Variants in KAT14 observed in about 807,000 individuals in gnomAD.
KAT14 encodes lysine acetyltransferase 14.
A neutral mutation model predicts 78.4 loss-of-function variants in KAT14; 66 were observed. That is an observed-to-expected ratio of 0.84 (90% CI 0.69 to 1.03). The LOEUF (loss-of-function observed/expected upper bound fraction) is 1.03. KAT14 is among the 50% of genes least tolerant of loss of function. KAT14 has a pLI of 0.00. For synonymous variants in KAT14, 344 were observed against 359.4 expected, an observed-to-expected ratio of 0.96 and a Z score of 0.48; for missense variants, 870 against 972.5, an observed-to-expected ratio of 0.89 and a Z score of 1.40.
rs146086556 is a variant in KAT14, at chr20:18,148,106, A to G, written c.379-2715A>G. Among the ~76,000 whole-genome samples the G allele has an allele frequency of 8.9e-4, 135 of 152,330 alleles. 1 individual carries two copies. Among genetic ancestry groups the G allele is most frequent in the Admixed American group, 2.9e-3 (44 of 15,304 alleles). On this transcript the variant is annotated intron_variant, in intron 3 of 10. Coordinates refer to ENST00000688188, the MANE Select transcript of KAT14 (RefSeq NM_001392073.1). ...AATCAGTTGGTCTTGAATGGACTCC[A>G]TTGATGTAGCCACATTCTTAGTATA...
intron 7 of KAT14, among the ~76,000 whole-genome samples, chr20:18,174,566 C>A (rs2038965487): frequency 6.6e-6 from 1 of 151,784 alleles, no homozygotes; most frequent in Admixed American, 6.6e-5. Context: ...TCTTTGATGA[C>A]TATTATACTT....
chr20:18,181,235 T>G (rs568183571), intron 7 of KAT14, among the ~76,000 whole-genome samples: 2 of 152,264 alleles, frequency 1.3e-5, no homozygotes, highest in South Asian at 4.1e-4. Context: ...TATGCAAAGG[T>G]GTCTATAAAC....
Position 18,142,582 on chromosome 20 carries a change from G to A in KAT14, c.-79G>A. 1 of 1,576,958 alleles carries A rather than the reference G, an allele frequency of 6.3e-7. No individual in the cohort carries two copies. Among genetic ancestry groups the A allele is most frequent in the Non-Finnish European group, 8.6e-7 (1 of 1,159,564 alleles). On this transcript the variant is annotated 5_prime_UTR_variant, in exon 2 of 11. Coordinates refer to ENST00000688188, the MANE Select transcript of KAT14 (RefSeq NM_001392073.1). ...GGAAGAGTCTGTCTGGGTGATCCTG[G>A]TAGAAGCCCCATTAGGGTCACTGTC... is the stretch of plus-strand genomic sequence containing the variant.
intron 1 of KAT14, 176 bp downstream of exon 1, chr20:18,138,227 G>T: frequency 2.4e-6 from 3 of 1,256,070 alleles, no homozygotes; most frequent in Non-Finnish European, 3.0e-6. Context: ...GCTGGGCTCC[G>T]GGCGCTGCAG....
chr20:18,149,871 A>G (rs1024632284), intron 3 of KAT14, among the ~76,000 whole-genome samples: 1 of 152,024 alleles, frequency 6.6e-6, no homozygotes, highest in Non-Finnish European at 1.5e-5. Flanking sequence ...AATTGCTTGA[A>G]CCCAGGAATC....
chr20:18,142,591 C>T lies in KAT14; in HGVS notation c.-70C>T. 2 of 1,591,146 alleles carry T rather than the reference C, an allele frequency of 1.3e-6. No individual in the cohort carries two copies. The highest frequency in any genetic ancestry group is 1.7e-6 in the Non-Finnish European group (2 of 1,167,038). The stretch of plus-strand genomic sequence containing the variant: ...TGTCTGGGTGATCCTGGTAGAAGCC[C>T]CATTAGGGTCACTGTCCAGTGCTTA... On this transcript the variant is annotated 5_prime_UTR_variant, in exon 2 of 11. Coordinates refer to ENST00000688188, the MANE Select transcript of KAT14 (RefSeq NM_001392073.1).
chr20:18,170,369 G>A (rs1430840660), intron 7 of KAT14, among the ~76,000 whole-genome samples: 4 of 152,130 alleles, frequency 2.6e-5, no homozygotes, highest in Non-Finnish European at 5.9e-5. Flanking sequence ...TGGAGCCAGT[G>A]ATCATTTACT....
rs201858697 is a variant in KAT14 at position 18,143,615 on chromosome 20, A to ATTTTTTTTTT, written c.259+698_259+707dup. Among the ~76,000 whole-genome samples the ATTTTTTTTTT allele has an allele frequency of 7.7e-5, 8 of 104,088 alleles. 1 individual carries two copies. Among genetic ancestry groups the ATTTTTTTTTT allele is most frequent in the Admixed American group, 2.1e-4 (2 of 9,732 alleles). The allele number at this position is 104,088 out of a possible 152,430, so 68.3% of individuals were successfully genotyped here. On this transcript the variant is annotated intron_variant, in intron 2 of 10. Coordinates refer to ENST00000688188, the MANE Select transcript of KAT14 (RefSeq NM_001392073.1). ...TAGTGTTTGCCAGCACACCTGGCTAATTTTTTTTTTTATTTTATTTTTTTT... is the reference window on the plus strand; with the variant it reads ...TAGTGTTTGCCAGCACACCTGGCTAATTTTTTTTTTTTTTTTTTTTTATTTTATTTTTTTT...
At chr20:18,158,023 C>T (rs867708499) in intron 4 of KAT14, among the ~76,000 whole-genome samples, 15 of 152,094 alleles carry the variant, frequency 9.9e-5, no homozygotes, top group East Asian at 5.8e-4. Context: ...CTGCAGCCTC[C>T]GCCTCTCGGG....
chr20:18,164,417 A>G (rs1281092976), intron 7 of KAT14, among the ~76,000 whole-genome samples: 1 of 152,074 alleles, frequency 6.6e-6, no homozygotes, highest in Non-Finnish European at 1.5e-5. Context: ...TTAACCTCTT[A>G]AAGAGCCTCA....
chr20:18,158,928 A>G (rs2038316672), intron 4 of KAT14, among the ~76,000 whole-genome samples, 156 bp from the exon 5 acceptor site: 1 of 152,202 alleles, frequency 6.6e-6, no homozygotes, highest in South Asian at 2.1e-4. Context: ...GAAGCAGGCG[A>G]ACTCCAGAGC....
At chr20:18,152,967 T>C (rs995235945) in intron 4 of KAT14, among the ~76,000 whole-genome samples, 2 of 152,216 alleles carry the variant, frequency 1.3e-5, no homozygotes, top group African/African-American at 2.4e-5. Flanking sequence ...AGACTTTTAT[T>C]GCTCTTGGGT....
At chr20:18,183,376 G>T in intron 9 of KAT14, 78 bp downstream of exon 9, 2 of 1,459,566 alleles carry the variant, frequency 1.4e-6, no homozygotes, top group Admixed American at 2.5e-5. Context: ...TAGTTTATGT[G>T]ATATCCTTAA....
chr20:18,142,111 A>G, intron 1 of KAT14, 97 bp from the exon 2 acceptor site: 1 of 1,245,030 alleles, frequency 8.0e-7, no homozygotes, highest in South Asian at 1.9e-5. Flanking sequence ...GAAAGTTTTA[A>G]GTATATTTTG....
chr20:18,187,381 A>T lies in KAT14; in HGVS notation c.2268A>T (p.Val756=). Residue 756 remains valine, a synonymous_variant, in exon 11 of 11, where the codon GTA becomes GTT. Coordinates refer to ENST00000688188, the MANE Select transcript of KAT14 (RefSeq NM_001392073.1). ...QKFGFKTEEY[V]LDFYDKYYPL... Reference sequence around the variant, plus strand: ...TTGGATTCAAGACTGAAGAATATGTATTAGATTTCTATGATAAATATTACC... The same window carrying T: ...TTGGATTCAAGACTGAAGAATATGTTTTAGATTTCTATGATAAATATTACC... 1.2e-6 allele frequency: 2 copies of T among 1,614,236 alleles called. No homozygotes were observed. The highest frequency in any genetic ancestry group is 1.7e-6 in the Non-Finnish European group (2 of 1,180,044).
intron 10 of KAT14, among the ~76,000 whole-genome samples, chr20:18,186,390 C>T (rs1189173088): frequency 6.6e-6 from 1 of 152,194 alleles, no homozygotes; most frequent in African/African-American, 2.4e-5. Flanking sequence ...GCTCTTGTCC[C>T]TGGCATACTG....
rs907936481 is a variant in KAT14 at position 18,162,434 on chromosome 20, C to G, written c.1157C>G (p.Pro386Arg). Residue 386 changes from proline to arginine, a missense_variant, in exon 7 of 11, where the codon CCC becomes CGC. By Grantham distance (103) the Pro-to-Arg change is moderately radical. Coordinates refer to ENST00000688188, the MANE Select transcript of KAT14 (RefSeq NM_001392073.1). ...GACCCAGGGATGGAGTACGTCCCAC[C>G]CCCTGCTGGGTCAGTAGCTTCTGGG... is the stretch of plus-strand genomic sequence containing the variant. ...VIDPGMEYVP[P>R]PAGSVASGPV... 1 of 1,614,072 alleles carries G rather than the reference C, an allele frequency of 6.2e-7. No homozygotes were observed. The highest frequency in any genetic ancestry group is 1.1e-5 in the South Asian group (1 of 91,082).
chr20:18,176,905 A>G (rs73259907), intron 7 of KAT14, among the ~76,000 whole-genome samples: 18,650 of 152,138 alleles, frequency 0.12, 1,508 homozygotes, highest in African/African-American at 0.23. Flanking sequence ...AGAGAGACCA[A>G]TGGGAGGCAG....
At chr20:18,178,240 G>A (rs1462337769) in intron 7 of KAT14, among the ~76,000 whole-genome samples, 1 of 152,158 alleles carries the variant, frequency 6.6e-6, no homozygotes, top group East Asian at 1.9e-4. Context: ...TATTTTTTGA[G>A]GAGAAAGTCA....
Sources: gnomAD v4.1 joint callset for allele counts (sites outside exome capture counted in the v4.1 genomes callset) on GRCh38, gnomAD v4.1.1 for gene constraint, MANE v1.5 for transcripts, NCBI Gene and HGNC (gene_info 2026-07-23, HGNC 2026-07-21) for gene names.